Variants in FBXO34 observed in about 807,000 individuals in gnomAD.
FBXO34 encodes the protein F-box protein 34.
Under a neutral mutation model 24.5 loss-of-function variants are expected in FBXO34, and 12 were observed. The observed-to-expected ratio is 0.49, with a 90% CI of 0.31 to 0.79. The LOEUF is 0.79. FBXO34 is among the 30% of genes least tolerant of loss of function. The pLI is 0.04. For synonymous variants in FBXO34, 320 were observed against 311.9 expected, an observed-to-expected ratio of 1.03 and a Z score of -0.27; for missense variants, 823 against 857.7, an observed-to-expected ratio of 0.96 and a Z score of 0.51.
chr14:55,338,483 A>C (rs934505751), intron 1 of FBXO34, among the ~76,000 whole-genome samples: 1 of 152,180 alleles, frequency 6.6e-6, no homozygotes, highest in Non-Finnish European at 1.5e-5. Flanking sequence ...TTTTGAGCTT[A>C]AAACAGTACC....
chr14:55,323,881 C>T (rs61975440), intron 1 of FBXO34, among the ~76,000 whole-genome samples: 8,257 of 152,228 alleles, frequency 0.054, 358 homozygotes, highest in Middle Eastern at 0.082. Context: ...TTAAATTTTT[C>T]CCACTGCTGA....
chr14:55,392,167 G>A, the FBXO34 span, among the ~76,000 whole-genome samples: 1 of 152,154 alleles, frequency 6.6e-6, no homozygotes. Flanking sequence ...GTCCATAATA[G>A]AGTTCGCACT....
chr14:55,310,865 G>T (rs370261272), intron 1 of FBXO34, among the ~76,000 whole-genome samples: 1 of 151,704 alleles, frequency 6.6e-6, no homozygotes, highest in Non-Finnish European at 1.5e-5. Flanking sequence ...ATGTGATAGC[G>T]TTTTCTTATC....
chr14:55,349,818 G>T (rs1268343983), intron 1 of FBXO34, among the ~76,000 whole-genome samples: 1 of 151,844 alleles, frequency 6.6e-6, no homozygotes, highest in Non-Finnish European at 1.5e-5. Flanking sequence ...TGTTGGCCGG[G>T]CTGGTCTTCA....
chr14:55,431,498 C>T, the FBXO34 span, among the ~76,000 whole-genome samples: 3 of 152,200 alleles, frequency 2.0e-5, 1 homozygote, highest in Non-Finnish European at 4.4e-5. Flanking sequence ...TACTTTATGA[C>T]TTCAAATTGA....
downstream of FBXO34, among the ~76,000 whole-genome samples, chr14:55,373,747 C>G (rs1259849597): frequency 6.6e-6 from 1 of 151,976 alleles, no homozygotes; most frequent in African/African-American, 2.4e-5. Context: ...GTGTGAGCCA[C>G]CATGCCTGGT....
chr14:55,389,817 G>C, the FBXO34 span, among the ~76,000 whole-genome samples: 5 of 152,236 alleles, frequency 3.3e-5, no homozygotes, highest in Admixed American at 6.5e-5. Flanking sequence ...TTAGAAACGA[G>C]TATTCTTGGG....
At chr14:55,285,313 T>C (rs867652865) in intron 1 of FBXO34, 28 of 150,468 alleles carry the variant, frequency 1.9e-4, no homozygotes, top group African/African-American at 6.6e-4. Context: ...GAGGTTGCAG[T>C]GAGCCGAGGT....
At chr14:55,367,141 C>T (rs1285209701) in intron 2 of FBXO34, 1 of 152,370 alleles carries the variant, frequency 6.6e-6, no homozygotes, top group Non-Finnish European at 1.5e-5. Flanking sequence ...GGATTCTATT[C>T]TTTAGCTTCA....
At chr14:55,271,745 G>T (rs1437391157) in intron 1 of FBXO34, 1 of 151,690 alleles carries the variant, frequency 6.6e-6, no homozygotes, top group African/African-American at 2.4e-5. Flanking sequence ...CTTTCCGCGC[G>T]CACGGCCCGG....
At chr14:55,382,005 G>A in the FBXO34 span, 9 of 1,614,140 alleles carry the variant, frequency 5.6e-6, no homozygotes, top group Non-Finnish European at 7.6e-6. Context: ...AGCTGTAGTA[G>A]GCAGAGTAGT....
At chr14:55,311,713 A>AT (rs1566550529) in intron 1 of FBXO34, among the ~76,000 whole-genome samples, 1 of 151,952 alleles carries the variant, frequency 6.6e-6, no homozygotes, top group South Asian at 2.1e-4. Flanking sequence ...CAGTCATTAA[A>AT]TCCTTTTTTT....
the FBXO34 span, among the ~76,000 whole-genome samples, chr14:55,393,321 G>C: frequency 1.7e-4 from 26 of 152,066 alleles, 1 homozygote; most frequent in Admixed American, 5.2e-4. Flanking sequence ...GGAGGTGGAG[G>C]TTGCAGTGAG....
the FBXO34 span, chr14:55,435,741 C>T: frequency 4.7e-6 from 4 of 848,850 alleles, no homozygotes; most frequent in East Asian, 3.1e-5. Flanking sequence ...TTTTCAGTAA[C>T]AATTTTTTAA....
rs1881698783 is a variant in FBXO34, at chr14:55,284,705, A to G, written c.-11+13168A>G. On this transcript the variant is annotated intron_variant, in intron 1 of 1. Transcript: ENST00000313833. ...ATTCTTAGCTCACTGCACCTCAACC[A>G]CCCAGGCTCAAGCAATCTTTCCATC... 1.4e-5 allele frequency among the ~76,000 whole-genome samples: 2 copies of G among 146,058 alleles called. 1 individual carries two copies. The highest frequency in any genetic ancestry group is 1.4e-4 in the Admixed American group (2 of 14,334).
intron 1 of FBXO34, among the ~76,000 whole-genome samples, chr14:55,341,114 G>A (rs1883977273): frequency 6.7e-6 from 1 of 150,114 alleles, no homozygotes; most frequent in Non-Finnish European, 1.5e-5. Context: ...AAGGAAAGAG[G>A]TTGGGCTCAA....
chr14:55,334,542 T>A (rs1274739085), intron 1 of FBXO34, among the ~76,000 whole-genome samples: 1 of 15,236 alleles, frequency 6.6e-5, no homozygotes, highest in Non-Finnish European at 1.4e-4. Flanking sequence ...GGGGTGGGGG[T>A]GGGGCAGTAG....
chr14:55,317,307 A>G (rs144187229), intron 1 of FBXO34, among the ~76,000 whole-genome samples: 12 of 152,298 alleles, frequency 7.9e-5, no homozygotes, highest in African/African-American at 2.4e-4. Flanking sequence ...TAAGTTATAT[A>G]AAAAGCCAAG....
At chr14:55,384,178 A>T in the FBXO34 span, among the ~76,000 whole-genome samples, 1 of 152,224 alleles carries the variant, frequency 6.6e-6, no homozygotes, top group Non-Finnish European at 1.5e-5. Flanking sequence ...TTAAAAAATT[A>T]ATGGCATATA....
Sources: allele counts gnomAD v4.1 joint callset (sites outside exome capture counted in the v4.1 genomes callset), GRCh38; gene constraint gnomAD v4.1.1; transcripts MANE v1.5; gene names NCBI Gene and HGNC (gene_info 2026-07-23, HGNC 2026-07-21).